The following ZBTB45 variants were observed in gnomAD, a reference collection of about 807,000 sequenced individuals.
ZBTB45 encodes zinc finger and BTB domain containing 45.
In ZBTB45, 22 loss-of-function variants were observed where a neutral mutation model predicts 28.4. The observed-to-expected ratio is 0.77, with a 90% CI of 0.55 to 1.10. The LOEUF (loss-of-function observed/expected upper bound fraction) is 1.10. ZBTB45 is among the 50% of genes least tolerant of loss of function. The pLI is 0.00. For missense variants in ZBTB45, 656 were observed against 750.2 expected, an observed-to-expected ratio of 0.87 and a Z score of 1.47; for synonymous variants, 361 against 332.3, an observed-to-expected ratio of 1.09 and a Z score of -0.94.
At chr19:58,529,224 G>C (rs2053623813) in intron 1 of ZBTB45, among the ~76,000 whole-genome samples, 1 of 152,174 alleles carries the variant, frequency 6.6e-6, no homozygotes. Flanking sequence ...GGGATCGCTT[G>C]ATCCCAGGAA....
intron 1 of ZBTB45, among the ~76,000 whole-genome samples, chr19:58,531,921 A>G (rs146026685): frequency 0.033 from 4,979 of 152,224 alleles, 117 homozygotes; most frequent in Non-Finnish European, 0.052. Context: ...TTCCCTGTAT[A>G]GTCTGTCCCT....
Position 58,517,233 on chromosome 19 carries a change from C to T in ZBTB45, c.441G>A (p.Ala147=), listed in dbSNP as rs529796559. 1.5e-5 allele frequency: 24 copies of T among 1,597,104 alleles called. No homozygotes were observed. The highest frequency in any genetic ancestry group is 8.9e-5 in the South Asian group (8 of 90,082). Residue 147 remains alanine, a synonymous_variant, in exon 2 of 3, where the codon GCG becomes GCA. Transcript: ENST00000594051. ...GGTGGCGCAGGCGGTGACGCAGCTG[C>T]GCAGGTGCGAGTGGCGGGGGCACAG... is the stretch of plus-strand genomic sequence containing the variant. ...PTPVPPPLAP[A]QLRHRLRHLL...
At chr19:58,532,498 T>TC (rs927305882) in intron 1 of ZBTB45, among the ~76,000 whole-genome samples, 11 of 152,088 alleles carry the variant, frequency 7.2e-5, no homozygotes, top group African/African-American at 2.7e-4. Flanking sequence ...CTGAGGACTC[T>TC]CCTCTTGCTG....
exon 1 of ZBTB45, chr19:58,538,867 C>T (rs553995915): frequency 2.0e-5 from 3 of 152,096 alleles, no homozygotes; most frequent in Admixed American, 6.5e-5. Context: ...TGAGGCCCAC[C>T]CCCCCGGGGC....
chr19:58,521,552 T>C (rs927513397), upstream of ZBTB45, among the ~76,000 whole-genome samples: 1 of 152,060 alleles, frequency 6.6e-6, no homozygotes, highest in Non-Finnish European at 1.5e-5. Context: ...GAAGACCTAC[T>C]TGGGCTTCTG....
intron 1 of ZBTB45, among the ~76,000 whole-genome samples, chr19:58,526,540 T>A (rs12975857): frequency 0.046 from 5,379 of 117,178 alleles, 427 homozygotes; most frequent in African/African-American, 0.15. Context: ...TTTTTTTTTT[T>A]TTTTTTTTTG....
chr19:58,514,036 G>A lies in ZBTB45; in HGVS notation c.*18C>T. ...GAGGCCCCGGATCCACCGTGGGCGA[G>A]GCCAGGCCCCAGCGCCATCAGGGCG... is the stretch of plus-strand genomic sequence containing the variant. On this transcript the variant is annotated 3_prime_UTR_variant, in exon 3 of 3. Coordinates refer to ENST00000594051, the MANE Select transcript of ZBTB45 (RefSeq NM_001316979.2). 2.1e-6 allele frequency: 3 copies of A among 1,408,494 alleles called. No individual in the cohort carries two copies. Among genetic ancestry groups the A allele is most frequent in the South Asian group, 3.1e-5 (2 of 64,896 alleles). The allele number at this position is 1,408,494 out of a possible 1,614,324, so 87.2% of individuals were successfully genotyped here. A position where few individuals can be genotyped will look rare whatever the true frequency, so the allele number is the denominator to read the frequency against.
chr19:58,529,014 GCAGA>G (rs2053622287), intron 1 of ZBTB45, among the ~76,000 whole-genome samples: 1 of 150,060 alleles, frequency 6.7e-6, no homozygotes, highest in Non-Finnish European at 1.5e-5. Context: ...AACCCGGGAG[GCAGA>G]GGTTGCAGTG....
intron 1 of ZBTB45, among the ~76,000 whole-genome samples, chr19:58,526,531 T>A (rs149024308): frequency 0.15 from 12,474 of 81,896 alleles, 1,760 homozygotes; most frequent in African/African-American, 0.41. Context: ...TATTATTTTT[T>A]TTTTTTTTTT....
chr19:58,519,601 C>T (rs1240456352), intron 1 of ZBTB45, 141 bp downstream of exon 1: 1 of 152,722 alleles, frequency 6.5e-6, no homozygotes, highest in Non-Finnish European at 1.5e-5. Context: ...ACCCCGCACT[C>T]TGGCCCCCGC....
At chr19:58,524,258 G>C (rs956082146), upstream of ZBTB45, among the ~76,000 whole-genome samples, 1 of 150,746 alleles carries the variant, frequency 6.6e-6, no homozygotes, top group Non-Finnish European at 1.5e-5. Flanking sequence ...CCAGCTACTC[G>C]GGAGGCTGAG....
chr19:58,514,108 G>C lies in ZBTB45; in HGVS notation c.1482C>G (p.Val494=). ...ERAPCPACGK[V]FSHRALLERH... Reference sequence around the variant, plus strand: ...GCTCCAGCAGCGCGCGGTGCGAGAAGACCTTGCCGCAGGCGGGGCAGGGCG... The same window carrying C: ...GCTCCAGCAGCGCGCGGTGCGAGAACACCTTGCCGCAGGCGGGGCAGGGCG... The change falls in exon 3 of 3, where the codon GTC becomes GTG. Residue 494 remains valine, a synonymous_variant. Transcript: ENST00000594051. 1 of 1,599,736 alleles carries C rather than the reference G, an allele frequency of 6.3e-7. No homozygotes were observed. Among genetic ancestry groups the C allele is most frequent in the Non-Finnish European group, 8.5e-7 (1 of 1,174,076 alleles).
rs766096135 is a variant in ZBTB45 at position 58,516,576 on chromosome 19, G to A, written c.1098C>T (p.Pro366=). The change falls in exon 2 of 3, where the codon CCC becomes CCT. Residue 366 remains proline (P), a synonymous_variant. Coordinates refer to ENST00000594051, the MANE Select transcript of ZBTB45 (RefSeq NM_001316979.2). The surrounding 1 kb of genome is among the most constrained non-coding windows in gnomAD (Gnocchi z 6.2). ...CCAGCTGAGTACTGGGGGCTGCCTC[G>A]GGCTGGAGTGTGGGGTAGAAGGCGG... is the stretch of plus-strand genomic sequence containing the variant. ...PPPAFYPTLQ[P]EAAPSTQLGE... is the part of the protein sequence containing the mutation. 8.2e-6 allele frequency: 13 copies of A among 1,587,238 alleles called. No homozygotes were observed. Among genetic ancestry groups the A allele is most frequent in the South Asian group, 8.0e-5 (7 of 87,886 alleles).
chr19:58,516,712 C>T lies in ZBTB45; in HGVS notation c.962G>A (p.Gly321Asp). The T allele has an allele frequency of 3.1e-6, 5 of 1,597,024 alleles. No homozygotes were observed. Among genetic ancestry groups the T allele is most frequent in the Non-Finnish European group, 4.3e-6 (5 of 1,170,528 alleles). Residue 321 changes from glycine (G) to aspartate (D), a missense_variant, in exon 2 of 3, where the codon GGT becomes GAT. Physicochemically the swap from Gly to Asp is moderately conservative, Grantham distance 94. Around this residue, in one of 3 missense-constraint regions of ZBTB45, gnomAD observed 448 missense variants for 444.3 expected, o/e 1.01. Transcript: ENST00000594051. This position sits in a 1 kb window ranked among gnomAD's most constrained non-coding sequence, Gnocchi z 6.2. ...DCILSGSRPP[G>D]VKTPGPPVAL... ...AACGGGCGGCCCTGGGGTCTTCACA[C>T]CAGGCGGGCGGGATCCAGACAGTAT...
chr19:58,514,371 CCA>C, intron 2 of ZBTB45, 61 bp from the exon 3 acceptor site: 1 of 1,328,244 alleles, frequency 7.5e-7, no homozygotes. Flanking sequence ...CGCCCCCACC[CCA>C]CCCCACCCCC....
chr19:58,538,352 T>G (rs1239214176), intron 1 of ZBTB45, among the ~76,000 whole-genome samples: 1 of 152,010 alleles, frequency 6.6e-6, no homozygotes, highest in African/African-American at 2.4e-5. Context: ...TAACTTTCCC[T>G]ATTATCAGAG....
intron 1 of ZBTB45, among the ~76,000 whole-genome samples, chr19:58,528,060 A>G (rs994891226): frequency 6.6e-6 from 1 of 152,150 alleles, no homozygotes; most frequent in African/African-American, 2.4e-5. Flanking sequence ...TCGGGGGATA[A>G]ATAACTCCTC....
intron 1 of ZBTB45, among the ~76,000 whole-genome samples, chr19:58,538,338 G>C (rs1456682849): frequency 6.6e-6 from 1 of 152,034 alleles, no homozygotes; most frequent in Non-Finnish European, 1.5e-5. Context: ...TCAGCCTCTG[G>C]CATTAACTTT....
upstream of ZBTB45, among the ~76,000 whole-genome samples, chr19:58,522,273 T>C (rs1323890653): frequency 1.3e-5 from 2 of 151,412 alleles, no homozygotes; most frequent in East Asian, 4.0e-4. Context: ...GCGATTCTCC[T>C]GCCTCAGCCT....
Sources: gnomAD v4.1 joint callset for allele counts (sites outside exome capture counted in the v4.1 genomes callset) on GRCh38, gnomAD v4.1.1 for gene constraint, gnomAD v4.1.1 regional missense constraint, Gnocchi (gnomAD v3.1) non-coding constraint, MANE v1.5 for transcripts, NCBI Gene and HGNC (gene_info 2026-07-23, HGNC 2026-07-21) for gene names.